THOC6: variants seen among roughly 807,000 people sequenced by gnomAD.
THOC6 encodes the protein THO complex subunit 6.
THOC6 carries 39 observed loss-of-function variants against 55.8 expected under a neutral mutation model. The observed-to-expected ratio is 0.70, with a 90% CI of 0.54 to 0.91. THOC6 has a LOEUF of 0.91. THOC6 is among the 40% of genes least tolerant of loss of function. The probability of loss-of-function intolerance (pLI) is 0.00; values close to 1 mark genes in which losing one functional copy is unlikely to be tolerated. For missense variants in THOC6, 482 were observed against 442.0 expected (o/e 1.09, Z -0.81); for synonymous variants, 192 against 175.6 (o/e 1.09, Z -0.74).
In THOC6 at chr16:3,027,184, C is replaced by A. The variant is rs751371275; in HGVS notation, c.714C>A (p.Gly238=). 6.2e-7 allele frequency: 1 copy of A among 1,614,124 alleles called. No individual in the cohort carries two copies. The highest frequency in any genetic ancestry group is 8.5e-7 in the Non-Finnish European group (1 of 1,180,014). Reference sequence around the variant, plus strand: ...TTTCTGTCCAGGTCTGTGGAGGGGGCCCAGCCCTCACCCTCTGGCACCTCC... The same window carrying A: ...TTTCTGTCCAGGTCTGTGGAGGGGGACCAGCCCTCACCCTCTGGCACCTCC... ...TDSDWMVCGG[G]PALTLWHLRS... Residue 238 remains glycine, a synonymous_variant, in exon 11 of 13, where the codon GGC becomes GGA. Coordinates refer to ENST00000326266, the MANE Select transcript of THOC6 (RefSeq NM_024339.5).
intron 2 of THOC6, 22 bp downstream of exon 2, chr16:3,025,845 C>T: frequency 6.2e-7 from 1 of 1,614,110 alleles, no homozygotes; most frequent in South Asian, 1.1e-5. Flanking sequence ...CGCTGTCCAC[C>T]CATTAGCCCT....
intron 1 of THOC6, among the ~76,000 whole-genome samples, chr16:3,024,968 A>C (rs143300670): frequency 0.039 from 4,399 of 111,872 alleles, 103 homozygotes; most frequent in Middle Eastern, 0.12. Flanking sequence ...TTGAGATGGA[A>C]TTTCACTCTT....
At position 3,024,247 on chromosome 16, in the gene THOC6, G is replaced by C. The variant is rs1227158442; in HGVS notation, c.-80G>C. 6.3e-7 allele frequency: 1 copy of C among 1,584,058 alleles called. No individual in the cohort carries two copies. The highest frequency in any genetic ancestry group is 8.7e-7 in the Non-Finnish European group (1 of 1,155,142). On this transcript the variant is annotated 5_prime_UTR_variant, in exon 1 of 13. Transcript: ENST00000326266. ...CGCGCCGAAGGCGGTAGGGCGCCAC[G>C]GAGAGGAACCGCTCTAGGCACGTAA...
At position 3,026,889 on chromosome 16, in the gene THOC6, C is replaced by G. The variant is rs147432065; in HGVS notation, c.609C>G (p.Val203=). ...CAGACCTGCGCACAGCCAAGGAGGT[C>G]CAGACGATCGAGGTCTATAAGCACG... ...RLWDLRTAKE[V]QTIEVYKHEE... Residue 203 remains valine (V), a synonymous_variant, in exon 9 of 13, where the codon GTC becomes GTG. Coordinates refer to ENST00000326266, the MANE Select transcript of THOC6 (RefSeq NM_024339.5). 1.3e-4 allele frequency: 208 copies of G among 1,614,076 alleles called. No individual in the cohort carries two copies. The highest frequency in any genetic ancestry group is 1.6e-4 in the Non-Finnish European group (188 of 1,180,036).
chr16:3,024,291 C>T lies in THOC6; in HGVS notation c.-36C>T, dbSNP rs762267916. 10 of 1,613,846 alleles carry T rather than the reference C, an allele frequency of 6.2e-6. No individual in the cohort carries two copies. Among genetic ancestry groups the T allele is most frequent in the Middle Eastern group, 1.6e-4 (1 of 6,082 alleles). ...CACGTAAGGCCTCGTGAGGTTGCGT[C>T]GCGCGCGGAGCACTCTGGGACTTGT... On this transcript the variant is annotated 5_prime_UTR_variant, in exon 1 of 13. Transcript: ENST00000326266.
In THOC6 at chr16:3,027,410, G is replaced by C; in HGVS notation, c.855G>C (p.Leu285=). ...GCCGCTGCGTCAACCAGTGGCAGCT[G>C]AGCGGGGAGCTGAAGGCCCAGGTGC... The part of the protein sequence containing the change: ...GQGRCVNQWQ[L]SGELKAQVPG... The change falls in exon 12 of 13, where the codon CTG becomes CTC. Residue 285 remains leucine, a synonymous_variant. Coordinates refer to ENST00000326266, the MANE Select transcript of THOC6 (RefSeq NM_024339.5). 1 of 1,612,546 alleles carries C rather than the reference G, an allele frequency of 6.2e-7. No homozygotes were observed. Among genetic ancestry groups the C allele is most frequent in the Non-Finnish European group, 8.5e-7 (1 of 1,179,620 alleles).
Position 3,024,038 on chromosome 16 carries a change from G to T in THOC6, c.-289G>T. ...ATGGGCGTGGCTTTAGGCGGGCACA[G>T]CCGCGAGGTTCTGCGCGGGCGCGGA... is the stretch of plus-strand genomic sequence containing the variant. On this transcript the variant is annotated 5_prime_UTR_variant, in exon 1 of 13. Transcript: ENST00000326266. 1 of 1,017,470 alleles carries T rather than the reference G, an allele frequency of 9.8e-7. No homozygotes were observed. The highest frequency in any genetic ancestry group is 1.6e-5 in the South Asian group (1 of 62,012). 63.0% of individuals were successfully genotyped at this position (1,017,470 alleles called of 1,614,324 possible).
intron 1 of THOC6, 71 bp downstream of exon 1, chr16:3,024,436 G>C (rs2151132786): frequency 6.3e-7 from 1 of 1,591,096 alleles, no homozygotes; most frequent in East Asian, 2.2e-5. Flanking sequence ...GGGCGGGCAG[G>C]GAATCGTGCC....
Position 3,024,222 on chromosome 16 carries a change from C to T in THOC6, c.-105C>T. On this transcript the variant is annotated 5_prime_UTR_variant, in exon 1 of 13. Transcript: ENST00000326266. ...CGGGACGGTACGCACCAGCCACCTT[C>T]GCGCCGAAGGCGGTAGGGCGCCACG... The T allele has an allele frequency of 2.1e-6, 3 of 1,457,558 alleles. No homozygotes were observed. The highest frequency in any genetic ancestry group is 2.9e-6 in the Non-Finnish European group (3 of 1,049,922). The allele number at this position is 1,457,558 out of a possible 1,614,324, so 90.3% of individuals were successfully genotyped here.
chr16:3,024,040 C>T lies in THOC6; in HGVS notation c.-287C>T. 1 of 1,009,300 alleles carries T rather than the reference C, an allele frequency of 9.9e-7. No homozygotes were observed. Among genetic ancestry groups the T allele is most frequent in the Non-Finnish European group, 1.4e-6 (1 of 702,076 alleles). The allele number at this position is 1,009,300 out of a possible 1,614,324, so 62.5% of individuals were successfully genotyped here. A position where few individuals can be genotyped will look rare whatever the true frequency, so the allele number is the denominator to read the frequency against. ...GGGCGTGGCTTTAGGCGGGCACAGC[C>T]GCGAGGTTCTGCGCGGGCGCGGAAG... On this transcript the variant is annotated 5_prime_UTR_variant, in exon 1 of 13. Transcript: ENST00000326266.
In THOC6 at chr16:3,026,552, T is replaced by A; in HGVS notation, c.448T>A (p.Leu150Met). ...SLILAGGDCQ[L>M]HTMDLETGTF... is the part of the protein sequence containing the mutation. ...CATCCTGGCTGGGGGAGACTGTCAG[T>A]TGCACACTATGGACCTTGAAACTGG... The change falls in exon 7 of 13, where the codon TTG becomes ATG. Residue 150 changes from leucine to methionine, a missense_variant. Physicochemically the swap from Leu to Met is conservative, Grantham distance 15 (BLOSUM62 2). Transcript: ENST00000326266. The A allele has an allele frequency of 6.2e-7, 1 of 1,614,056 alleles. No homozygotes were observed. Among genetic ancestry groups the A allele is most frequent in the Non-Finnish European group, 8.5e-7 (1 of 1,179,976 alleles).
chr16:3,024,087 G>A lies in THOC6; in HGVS notation c.-240G>A. On this transcript the variant is annotated 5_prime_UTR_variant, in exon 1 of 13. Coordinates refer to ENST00000326266, the MANE Select transcript of THOC6 (RefSeq NM_024339.5). ...GAAGACGGGCGGCGCGTGGCGGAAG[G>A]CAGGCTTGCTCCTCGGGGTGGGGGA... 1.3e-6 allele frequency: 1 copy of A among 759,312 alleles called. No homozygotes were observed. Among genetic ancestry groups the A allele is most frequent in the Non-Finnish European group, 2.1e-6 (1 of 476,914 alleles). 47.0% of individuals were successfully genotyped at this position (759,312 alleles called of 1,614,324 possible). A position where few individuals can be genotyped will look rare whatever the true frequency, so the allele number is the denominator to read the frequency against.
chr16:3,024,547 G>C (rs1596474861), intron 1 of THOC6, among the ~76,000 whole-genome samples, 182 bp downstream of exon 1: 1 of 151,936 alleles, frequency 6.6e-6, no homozygotes, highest in East Asian at 1.9e-4. Flanking sequence ...GCAAGTCAGA[G>C]AGTAGGAATT....
intron 8 of THOC6, 22 bp downstream of exon 8, chr16:3,026,803 G>A (rs766436286): frequency 2.9e-5 from 47 of 1,613,926 alleles, no homozygotes; most frequent in Non-Finnish European, 3.3e-5. Flanking sequence ...GCTGGTTGGA[G>A]GGCAAGATGG....
Position 3,027,750 on chromosome 16 carries a change from A to G in THOC6, c.*93A>G, listed in dbSNP as rs2072841050. The G allele has an allele frequency of 7.2e-7, 1 of 1,390,128 alleles. No individual in the cohort carries two copies. Among genetic ancestry groups the G allele is most frequent in the Non-Finnish European group, 9.6e-7 (1 of 1,038,296 alleles). The allele number at this position is 1,390,128 out of a possible 1,614,324, so 86.1% of individuals were successfully genotyped here. Reference sequence around the variant, plus strand: ...TTACAATAAAGTTTCAGGCTTTTTTACCATGCTCTTTCTTTCTATGAATGG... The same window carrying G: ...TTACAATAAAGTTTCAGGCTTTTTTGCCATGCTCTTTCTTTCTATGAATGG... On this transcript the variant is annotated 3_prime_UTR_variant, in exon 13 of 13. Coordinates refer to ENST00000326266, the MANE Select transcript of THOC6 (RefSeq NM_024339.5).
Position 3,026,308 on chromosome 16 carries a change from T to TA in THOC6, c.362+21dup. On this transcript the variant is annotated intron_variant, in intron 5 of 12. Transcript: ENST00000326266. ...ATACAGGTGAGCAGGGCCACGTGGA[T>TA]AGAGGGTGCATCAGGGTGAAGCCAC... 1.2e-6 allele frequency: 2 copies of TA among 1,614,000 alleles called. No homozygotes were observed. Among genetic ancestry groups the TA allele is most frequent in the South Asian group, 2.2e-5 (2 of 91,084 alleles).
rs557573035 is a variant in THOC6 at position 3,027,519 on chromosome 16, G to T, written c.945+19G>T. On this transcript the variant is annotated intron_variant, in intron 12 of 12. Coordinates refer to ENST00000326266, the MANE Select transcript of THOC6 (RefSeq NM_024339.5). ...GTGCAAGGTGGGTCCGGCAGGGGCC[G>T]CGGAGCGGCTGGGAGGCAGGGGTGT... 1.2e-6 allele frequency: 2 copies of T among 1,611,712 alleles called. No homozygotes were observed. Among genetic ancestry groups the T allele is most frequent in the Non-Finnish European group, 1.7e-6 (2 of 1,178,958 alleles).
intron 8 of THOC6, 23 bp from the exon 9 acceptor site, chr16:3,026,844 C>T: frequency 6.2e-7 from 1 of 1,614,138 alleles, no homozygotes; most frequent in Non-Finnish European, 8.5e-7. Flanking sequence ...AGTGGGGCAC[C>T]ACTCACAGTT....
rs56382043 is a variant in THOC6, at chr16:3,027,709, CTTTT to C, written c.*66_*69del. ...AGGGTTTTAGAGTGTTTTTCATTTT[CTTTT>C]TTTTTTTTTTTTTACAATAAAGTTT... On this transcript the variant is annotated 3_prime_UTR_variant, in exon 13 of 13. Transcript: ENST00000326266. 4.8e-3 allele frequency: 6,493 copies of C among 1,339,100 alleles called. No individual in the cohort carries two copies. The highest frequency in any genetic ancestry group is 9.5e-3 in the Admixed American group (372 of 39,054). 83.0% of individuals were successfully genotyped at this position (1,339,100 alleles called of 1,614,324 possible). A position where few individuals can be genotyped will look rare whatever the true frequency, so the allele number is the denominator to read the frequency against.
Sources: gnomAD v4.1 joint callset for allele counts (sites outside exome capture counted in the v4.1 genomes callset) on GRCh38, gnomAD v4.1.1 for gene constraint, MANE v1.5 for transcripts, NCBI Gene and HGNC (gene_info 2026-07-23, HGNC 2026-07-21) for gene names.